Variants in ITGB4 observed in about 807,000 individuals in gnomAD.
ITGB4 encodes the protein integrin beta-4.
In ITGB4, 159 loss-of-function variants were observed where a neutral mutation model predicts 207.6. The ratio of observed to expected loss-of-function variants is 0.77; its 90% confidence interval spans 0.67 to 0.87. The LOEUF (loss-of-function observed/expected upper bound fraction) is 0.87, where lower values mean the gene tolerates loss of function less well. Ranked by LOEUF, ITGB4 falls within the 40% of genes least tolerant of loss-of-function variation. ITGB4 has a pLI of 0.00. For synonymous variants in ITGB4, 1,020 were observed against 1,062.7 expected (o/e 0.96, Z 0.78); for missense variants, 2,278 against 2,546.8 (o/e 0.89, Z 2.27).
intron 30 of ITGB4, 111 bp from the exon 31 acceptor site, chr17:75,752,063 C>T (rs2061378559): frequency 1.6e-6 from 2 of 1,223,758 alleles, no homozygotes; most frequent in African/African-American, 1.5e-5. Context: ...CCTTGCTTCC[C>T]CAGCCCCTGG....
At position 75,742,856 on chromosome 17, in the gene ITGB4, T is replaced by A; in HGVS notation, c.2962+95T>A. Reference sequence around the variant, plus strand: ...GGAATTGCGACCTGGCCACGTGGCCTGGGCTAGTCACTTAACCTCTGCAAG... The same window carrying A: ...GGAATTGCGACCTGGCCACGTGGCCAGGGCTAGTCACTTAACCTCTGCAAG... On this transcript the variant is annotated intron_variant, in intron 25 of 39. Transcript: ENST00000200181. This position sits in a 1 kb window ranked among gnomAD's most constrained non-coding sequence, Gnocchi z 5.9. The A allele has an allele frequency of 8.4e-7, 1 of 1,193,274 alleles. No individual in the cohort carries two copies. Among genetic ancestry groups the A allele is most frequent in the Non-Finnish European group, 1.2e-6 (1 of 847,892 alleles). The allele number at this position is 1,193,274 out of a possible 1,614,324, so 73.9% of individuals were successfully genotyped here.
Position 75,739,992 on chromosome 17 carries a change from G to A in ITGB4, c.2367G>A (p.Val789=), listed in dbSNP as rs1302653230. The A allele has an allele frequency of 1.2e-6, 2 of 1,613,248 alleles. No individual in the cohort carries two copies. The highest frequency in any genetic ancestry group is 4.5e-5 in the East Asian group (2 of 44,878). Residue 789 remains valine (V), a synonymous_variant, in exon 20 of 40, where the codon GTG becomes GTA. Coordinates refer to ENST00000200181, the MANE Select transcript of ITGB4 (RefSeq NM_000213.5). This position sits in a 1 kb window ranked among gnomAD's most constrained non-coding sequence, Gnocchi z 5.4. ...LRSGNLKGRD[V]VRWKVTNNMQ... The stretch of plus-strand genomic sequence containing the variant: ...GCGGGAACCTCAAGGGCCGTGACGT[G>A]GTCCGCTGGAAGGTCACCAACAACA...
Position 75,743,784 on chromosome 17 carries a change from G to A in ITGB4, c.3034G>A (p.Val1012Ile). Residue 1012 changes from valine (V) to isoleucine (I), a missense_variant, in exon 26 of 40, where the codon GTC (valine) becomes ATC (isoleucine). Coordinates refer to ENST00000200181, the MANE Select transcript of ITGB4 (RefSeq NM_000213.5). ...CGGGGACCAGGTGGCCCGCATCCCT[G>A]TCATCCGGCGTGTCCTGGACGGCGG... is the stretch of plus-strand genomic sequence containing the variant. ...SRGDQVARIP[V>I]IRRVLDGGKS... The A allele has an allele frequency of 6.2e-7, 1 of 1,613,370 alleles. No homozygotes were observed. The highest frequency in any genetic ancestry group is 1.7e-5 in the Admixed American group (1 of 60,014).
Position 75,736,162 on chromosome 17 carries a change from T to G in ITGB4, c.1761+8T>G. 1 of 1,613,696 alleles carries G rather than the reference T, an allele frequency of 6.2e-7. No homozygotes were observed. The highest frequency in any genetic ancestry group is 2.2e-5 in the East Asian group (1 of 44,884). On this transcript the variant is annotated splice_region_variant and intron_variant, in intron 14 of 39. Transcript: ENST00000200181. Reference sequence around the variant, plus strand: ...TGCATCGACAGCAATGGGGTAGGCCTGGGCATAAGACAGACAGTGTCTGTC... The same window carrying G: ...TGCATCGACAGCAATGGGGTAGGCCGGGGCATAAGACAGACAGTGTCTGTC...
chr17:75,736,473 G>T, intron 15 of ITGB4, 87 bp downstream of exon 15: 1 of 1,608,542 alleles, frequency 6.2e-7, no homozygotes. Context: ...TGATGCCACA[G>T]GAGCTGGCCA....
rs149807848 is a variant in ITGB4 at position 75,752,561 on chromosome 17, C to T, written c.4092C>T (p.Ser1364=). The change falls in exon 32 of 40, where the codon AGC becomes AGT. Residue 1364 remains serine (S), a synonymous_variant. Coordinates refer to ENST00000200181, the MANE Select transcript of ITGB4 (RefSeq NM_000213.5). ...CTCCATCGGGCAGCCAGAGGCCCAG[C>T]GTCTCCGATGACACTGGTGAGTGGA... The part of the protein sequence containing the change: ...LRSPSGSQRP[S]VSDDTGCGWK... 1 of 1,613,564 alleles carries T rather than the reference C, an allele frequency of 6.2e-7. No individual in the cohort carries two copies. The highest frequency in any genetic ancestry group is 8.5e-7 in the Non-Finnish European group (1 of 1,180,000).
chr17:75,741,154 C>G, intron 23 of ITGB4, 149 bp downstream of exon 23: 1 of 883,494 alleles, frequency 1.1e-6, no homozygotes, highest in South Asian at 1.4e-5. Context: ...TCATTCGTTC[C>G]TTTGACCATT....
At position 75,756,870 on chromosome 17, in the gene ITGB4, C is replaced by A; in HGVS notation, c.5053+11C>A. 1.2e-6 allele frequency: 2 copies of A among 1,612,286 alleles called. No homozygotes were observed. Among genetic ancestry groups the A allele is most frequent in the South Asian group, 1.1e-5 (1 of 91,054 alleles). On this transcript the variant is annotated intron_variant, in intron 37 of 39. Transcript: ENST00000200181. ...TGGCCCAAGGAGGAGGTGCTGCCCA[C>A]CCCGGGGGCAGGAGTGGCCAGGGGA...
rs1366097463 is a variant in ITGB4 at position 75,756,514 on chromosome 17, C to T, written c.4794C>T (p.Phe1598=). The T allele has an allele frequency of 6.2e-7, 1 of 1,613,378 alleles. No individual in the cohort carries two copies. Among genetic ancestry groups the T allele is most frequent in the Admixed American group, 1.7e-5 (1 of 60,026 alleles). ...EDLLPNHSYV[F]RVRAQSQEGW... is the part of the protein sequence containing the mutation. ...TCCTGCCCAACCACTCCTACGTGTT[C>T]CGCGTGCGGGCCCAGAGCCAGGAAG... is the stretch of plus-strand genomic sequence containing the variant. The change falls in exon 36 of 40, where the codon TTC becomes TTT. Residue 1598 remains phenylalanine (F), a synonymous_variant. Coordinates refer to ENST00000200181, the MANE Select transcript of ITGB4 (RefSeq NM_000213.5).
At position 75,740,541 on chromosome 17, in the gene ITGB4, C is replaced by T. The variant is rs376776944; in HGVS notation, c.2550+80C>T. ...GTGGGCAGGGCAGAGCGAATGCGGTCGTGGTACCGAGATTCATTAACTAGG... is the reference window on the plus strand; with the variant it reads ...GTGGGCAGGGCAGAGCGAATGCGGTTGTGGTACCGAGATTCATTAACTAGG... On this transcript the variant is annotated intron_variant, in intron 21 of 39. Coordinates refer to ENST00000200181, the MANE Select transcript of ITGB4 (RefSeq NM_000213.5). This position sits in a 1 kb window ranked among gnomAD's most constrained non-coding sequence, Gnocchi z 5.9. 4.9e-6 allele frequency: 6 copies of T among 1,225,720 alleles called. No homozygotes were observed. The highest frequency in any genetic ancestry group is 7.2e-6 in the Non-Finnish European group (6 of 838,390). The allele number at this position is 1,225,720 out of a possible 1,614,324, so 75.9% of individuals were successfully genotyped here.
rs1256841801 is a variant in ITGB4 at position 75,729,621 on chromosome 17, A to C, written c.738+185A>C. Among the ~76,000 whole-genome samples, 1 of 152,112 alleles carries C rather than the reference A, an allele frequency of 6.6e-6. No homozygotes were observed. The highest frequency in any genetic ancestry group is 1.5e-5 in the Non-Finnish European group (1 of 68,006). On this transcript the variant is annotated intron_variant, in intron 7 of 39. Transcript: ENST00000200181. This position sits in a 1 kb window ranked among gnomAD's most constrained non-coding sequence, Gnocchi z 4.4. ...GTGAGTAGGTCTCAGTTACAATCTG[A>C]GTTCAGATGTGCCTGGAGCCACGGT...
intron 25 of ITGB4, 78 bp from the exon 26 acceptor site, chr17:75,743,635 G>A (rs2061167038): frequency 6.3e-7 from 1 of 1,596,300 alleles, no homozygotes; most frequent in Non-Finnish European, 8.6e-7. Context: ...GGGCTGGGCT[G>A]GGCAGGGTCA....
intron 8 of ITGB4, 22 bp from the exon 9 acceptor site, chr17:75,730,853 G>A (rs1185258893): frequency 1.3e-6 from 2 of 1,582,528 alleles, no homozygotes; most frequent in Non-Finnish European, 8.7e-7. Context: ...CTTAGCCTGA[G>A]ACCTGGCCTT....
intron 27 of ITGB4, 137 bp downstream of exon 27, chr17:75,749,182 G>A (rs1227542031): frequency 2.3e-5 from 17 of 753,880 alleles, no homozygotes; most frequent in African/African-American, 8.7e-5. Flanking sequence ...CAACATACAC[G>A]TTGGTAGGAT....
chr17:75,743,453 G>A (rs576561427), intron 25 of ITGB4, among the ~76,000 whole-genome samples: 2 of 151,926 alleles, frequency 1.3e-5, no homozygotes, highest in Non-Finnish European at 1.5e-5. Context: ...GGCTGGTCTC[G>A]AACTCCTGAC....
chr17:75,721,824 C>T (rs575349346), intron 1 of ITGB4, among the ~76,000 whole-genome samples: 1 of 152,330 alleles, frequency 6.6e-6, no homozygotes, highest in Non-Finnish European at 1.5e-5. Context: ...CCCATCAGAC[C>T]TCCAGGCCAG....
In ITGB4 at chr17:75,750,670, C is replaced by T; in HGVS notation, c.3475-10C>T. 2 of 1,612,712 alleles carry T rather than the reference C, an allele frequency of 1.2e-6. No homozygotes were observed. Among genetic ancestry groups the T allele is most frequent in the Non-Finnish European group, 1.7e-6 (2 of 1,179,858 alleles). On this transcript the variant is annotated splice_polypyrimidine_tract_variant and intron_variant, in intron 28 of 39. Coordinates refer to ENST00000200181, the MANE Select transcript of ITGB4 (RefSeq NM_000213.5). The surrounding 1 kb of genome is among the most constrained non-coding windows in gnomAD (Gnocchi z 5.5). ...TCCCTGCTGACCAGGACCCCTGTCC[C>T]TGGGGGTAGGTAAAGTACTGGATTC...
rs968265395 is a variant in ITGB4, at chr17:75,726,845, G to A, written c.80-350G>A. 7.2e-5 allele frequency among the ~76,000 whole-genome samples: 11 copies of A among 152,316 alleles called. 1 individual carries two copies. The highest frequency in any genetic ancestry group is 1.3e-4 in the Admixed American group (2 of 15,292). On this transcript the variant is annotated intron_variant, in intron 2 of 39. Transcript: ENST00000200181. ...TCCCAGCACTTTGGAAGGCCAAGGC[G>A]GGTGGATCACAAGGTCAGGAGATCG... is the stretch of plus-strand genomic sequence containing the variant.
Position 75,731,908 on chromosome 17 carries a change from C to T in ITGB4, c.1312C>T (p.Pro438Ser), listed in dbSNP as rs771904583. The T allele has an allele frequency of 1.2e-6, 2 of 1,614,090 alleles. No homozygotes were observed. Among genetic ancestry groups the T allele is most frequent in the South Asian group, 1.1e-5 (1 of 91,088 alleles). ...CCAGAAGGGCAACATCCATCTGAAA[C>T]CTTCCTTCTCCGACGGCCTCAAGAT... ...EDQKGNIHLK[P>S]SFSDGLKMDA... The change falls in exon 11 of 40, where the codon CCT (proline) becomes TCT (serine). Residue 438 changes from proline (P) to serine (S), a missense_variant. Transcript: ENST00000200181. This position sits in a 1 kb window ranked among gnomAD's most constrained non-coding sequence, Gnocchi z 6.8.
Sources: allele counts gnomAD v4.1 joint callset (sites outside exome capture counted in the v4.1 genomes callset), GRCh38; gene constraint gnomAD v4.1.1; non-coding constraint Gnocchi (gnomAD v3.1); transcripts MANE v1.5; gene names NCBI Gene and HGNC (gene_info 2026-07-23, HGNC 2026-07-21).